The following ZNF554 variants were observed in gnomAD, a reference collection of about 807,000 sequenced individuals.
The protein encoded by ZNF554 is zinc finger protein 554.
ZNF554 carries 15 observed loss-of-function variants against 21.2 expected under a neutral mutation model. That is an observed-to-expected ratio of 0.71 (90% CI 0.47 to 1.09). The LOEUF is 1.09. Ranked by LOEUF, ZNF554 falls within the 50% of genes least tolerant of loss-of-function variation. The pLI, the probability that ZNF554 is intolerant of heterozygous loss-of-function variation, is 0.00. For synonymous variants in ZNF554, 258 were observed against 251.4 expected (o/e 1.03, Z -0.25); for missense variants, 691 against 662.7 (o/e 1.04, Z -0.47).
chr19:2,824,696 C>A (rs545190587), intron 2 of ZNF554, among the ~76,000 whole-genome samples: 1 of 152,046 alleles, frequency 6.6e-6, no homozygotes, highest in Non-Finnish European at 1.5e-5. Context: ...CCATCTTAGC[C>A]GTTGATGAAA....
Position 2,834,835 on chromosome 19 carries a change from C to T in ZNF554, c.1600C>T (p.His534Tyr), listed in dbSNP as rs1441578086. ...DCGKAFYQNR[H>Y]LIGY ...TGGGAAAGCGTTCTACCAGAACAGA[C>T]ATCTTATTGGATATTAGCAATTGCA... Residue 534 changes from histidine to tyrosine, a missense_variant, in exon 5 of 5, where the codon CAT becomes TAT. His to Tyr is a moderately conservative substitution (Grantham distance 83). Coordinates refer to ENST00000317243, the MANE Select transcript of ZNF554 (RefSeq NM_001102651.2). The T allele has an allele frequency of 6.3e-7, 1 of 1,592,034 alleles. No individual in the cohort carries two copies. Among genetic ancestry groups the T allele is most frequent in the East Asian group, 2.2e-5 (1 of 44,486 alleles).
chr19:2,823,039 G>C lies in ZNF554; in HGVS notation c.54-1G>C. 3 of 1,613,356 alleles carry C rather than the reference G, an allele frequency of 1.9e-6. No individual in the cohort carries two copies. The highest frequency in any genetic ancestry group is 2.5e-6 in the Non-Finnish European group (3 of 1,179,506). On this transcript the variant is annotated splice_acceptor_variant, in intron 1 of 4. Transcript: ENST00000317243. LOFTEE classifies it high-confidence loss of function. ...TCGCAGCGCCTTTTTCCTCCCCACA[G>C]CTCTGCCTGCCCAGGAACCTGCTTT...
chr19:2,830,076 C>T (rs1311793871), intron 3 of ZNF554, among the ~76,000 whole-genome samples: 1 of 152,164 alleles, frequency 6.6e-6, no homozygotes, highest in Non-Finnish European at 1.5e-5. Flanking sequence ...AGGCGCCCGC[C>T]ACCATGCCCG....
chr19:2,831,962 GT>G (rs1424730281), intron 3 of ZNF554: 4 of 169,718 alleles, frequency 2.4e-5, no homozygotes, highest in African/African-American at 9.7e-5. Context: ...GTCTTGCTCT[GT>G]TGCCCAGGCT....
rs2087262109 is a variant in ZNF554 at position 2,821,414 on chromosome 19, T to C, written c.53+1290T>C. On this transcript the variant is annotated intron_variant, in intron 1 of 4. Coordinates refer to ENST00000317243, the MANE Select transcript of ZNF554 (RefSeq NM_001102651.2). The surrounding 1 kb of genome is among the most constrained non-coding windows in gnomAD (Gnocchi z 8.2). ...GAGCCTCCTGGAGCTGCTGTGACAA[T>C]GCACCACAAACCAGGGGGCAGGGGG... 6.6e-6 allele frequency among the ~76,000 whole-genome samples: 1 copy of C among 151,948 alleles called. No homozygotes were observed. The highest frequency in any genetic ancestry group is 2.4e-5 in the African/African-American group (1 of 41,216).
Position 2,821,211 on chromosome 19 carries a change from C to G in ZNF554, c.53+1087C>G. On this transcript the variant is annotated intron_variant, in intron 1 of 4. Coordinates refer to ENST00000317243, the MANE Select transcript of ZNF554 (RefSeq NM_001102651.2). This position sits in a 1 kb window ranked among gnomAD's most constrained non-coding sequence, Gnocchi z 8.2. ...AAGTGATTCTCCTGCCTCAGCCTCC[C>G]AAGTAGCTGGGATTACAGGTGCACG... is the stretch of plus-strand genomic sequence containing the variant. 6.6e-6 allele frequency among the ~76,000 whole-genome samples: 1 copy of G among 151,704 alleles called. No individual in the cohort carries two copies. The highest frequency in any genetic ancestry group is 2.4e-5 in the African/African-American group (1 of 41,070).
chr19:2,833,655 ATGGTTTCCGCCTCAAT>A lies in ZNF554; in HGVS notation c.446-24_446-9del. 1 of 1,503,060 alleles carries A rather than the reference ATGGTTTCCGCCTCAAT, an allele frequency of 6.7e-7. No individual in the cohort carries two copies. Among genetic ancestry groups the A allele is most frequent in the Non-Finnish European group, 8.9e-7 (1 of 1,126,470 alleles). The allele number at this position is 1,503,060 out of a possible 1,614,324, so 93.1% of individuals were successfully genotyped here. ...AGTAGCTGTTTCTTCTTCTAAAAAA[ATGGTTTCCGCCTCAAT>A]TTATTTCAGATTGGATGACTGTACT... is the stretch of plus-strand genomic sequence containing the variant. On this transcript the variant is annotated splice_polypyrimidine_tract_variant and intron_variant, in intron 4 of 4. Transcript: ENST00000317243.
intron 1 of ZNF554, among the ~76,000 whole-genome samples, chr19:2,822,164 C>G (rs535592352): frequency 6.6e-6 from 1 of 152,138 alleles, no homozygotes; most frequent in Non-Finnish European, 1.5e-5. Flanking sequence ...AATTATCGTG[C>G]CTCAGCCTCC....
Position 2,832,178 on chromosome 19 carries a change from G to A in ZNF554, c.254-125G>A, listed in dbSNP as rs143755233. 792 of 881,602 alleles carry A rather than the reference G, an allele frequency of 9.0e-4. 8 individuals carry two copies. In the East Asian group the frequency reaches 0.018, roughly 20 times the overall value. 54.6% of individuals were successfully genotyped at this position (881,602 alleles called of 1,614,324 possible). A position where few individuals can be genotyped will look rare whatever the true frequency, so the allele number is the denominator to read the frequency against. On this transcript the variant is annotated intron_variant, in intron 3 of 4. Transcript: ENST00000317243. ...TGACCTCAGGTGATCCGCCTGCCTCGGCCTCCCAAATTGCTGGGATTACAG... is the reference window on the plus strand; with the variant it reads ...TGACCTCAGGTGATCCGCCTGCCTCAGCCTCCCAAATTGCTGGGATTACAG...
intron 3 of ZNF554, among the ~76,000 whole-genome samples, chr19:2,829,024 G>C (rs544983039): frequency 3.6e-4 from 54 of 151,910 alleles, no homozygotes; most frequent in African/African-American, 1.3e-3. Context: ...TTTCTGCCAA[G>C]GTAAAGAGCC....
At position 2,836,235 on chromosome 19, in the gene ZNF554, C is replaced by T. The variant is rs1009055470; in HGVS notation, c.*1383C>T. 5.4e-5 allele frequency among the ~76,000 whole-genome samples: 8 copies of T among 149,526 alleles called. No homozygotes were observed. The highest frequency in any genetic ancestry group is 4.3e-4 in the South Asian group (2 of 4,698). On this transcript the variant is annotated 3_prime_UTR_variant, in exon 5 of 5. Coordinates refer to ENST00000317243, the MANE Select transcript of ZNF554 (RefSeq NM_001102651.2). ...TGCTGGTATTACGGGTGTGAGCCACCGTGCTGGGATTACGGGCGTGAGCCA... is the reference window on the plus strand; with the variant it reads ...TGCTGGTATTACGGGTGTGAGCCACTGTGCTGGGATTACGGGCGTGAGCCA...
intron 4 of ZNF554, 89 bp from the exon 5 acceptor site, chr19:2,833,592 T>G: frequency 8.9e-7 from 1 of 1,125,048 alleles, no homozygotes; most frequent in Non-Finnish European, 1.3e-6. Context: ...GCACAGGCCT[T>G]GTAGATGTCA....
chr19:2,824,885 C>G (rs1452198222), intron 2 of ZNF554, among the ~76,000 whole-genome samples: 1 of 152,146 alleles, frequency 6.6e-6, no homozygotes, highest in Non-Finnish European at 1.5e-5. Context: ...TGGTACCCCC[C>G]ATCCTACTTT....
intron 4 of ZNF554, 32 bp from the exon 5 acceptor site, chr19:2,833,648 TA>T (rs756443390): frequency 6.7e-7 from 1 of 1,500,642 alleles, no homozygotes; most frequent in Non-Finnish European, 8.9e-7. Context: ...TTTCTTCTTC[TA>T]AAAAAATGGT....
In ZNF554 at chr19:2,821,012, G is replaced by A. The variant is rs1222680768; in HGVS notation, c.53+888G>A. Among the ~76,000 whole-genome samples, 2 of 151,540 alleles carry A rather than the reference G, an allele frequency of 1.3e-5. No individual in the cohort carries two copies. Among genetic ancestry groups the A allele is most frequent in the South Asian group, 2.1e-4 (1 of 4,816 alleles). ...ACCACCCATGTTGAGGAATGAGGGA[G>A]GCAGCTGACCTTTCTGCTGCTCTAG... On this transcript the variant is annotated intron_variant, in intron 1 of 4. Transcript: ENST00000317243. This position sits in a 1 kb window ranked among gnomAD's most constrained non-coding sequence, Gnocchi z 8.2.
chr19:2,827,459 C>G (rs1358145560), intron 2 of ZNF554, among the ~76,000 whole-genome samples, 158 bp from the exon 3 acceptor site: 1 of 152,148 alleles, frequency 6.6e-6, no homozygotes, highest in Non-Finnish European at 1.5e-5. Flanking sequence ...TGATTTTAAG[C>G]CAAGGACAAG....
chr19:2,821,293 G>A lies in ZNF554; in HGVS notation c.53+1169G>A, dbSNP rs1346051482. 3.3e-5 allele frequency among the ~76,000 whole-genome samples: 5 copies of A among 151,656 alleles called. No homozygotes were observed. Among genetic ancestry groups the A allele is most frequent in the South Asian group, 2.1e-4 (1 of 4,808 alleles). ...GTAGATACAGAGTTTCTCCATGTTG[G>A]CCAGCCAGGCTGGTATCGAACTCCT... On this transcript the variant is annotated intron_variant, in intron 1 of 4. Coordinates refer to ENST00000317243, the MANE Select transcript of ZNF554 (RefSeq NM_001102651.2). This position sits in a 1 kb window ranked among gnomAD's most constrained non-coding sequence, Gnocchi z 8.2.
rs1418147762 is a variant in ZNF554 at position 2,820,113 on chromosome 19, G to T, written c.42G>T (p.Pro14=). The change falls in exon 1 of 5, where the codon CCG becomes CCT. Residue 14 remains proline, a synonymous_variant. Transcript: ENST00000317243. ...ACCTGGGCCGGCGCGCGCGGCTCCCGGCAGCTCAGCCGTAAGTGCCGCCGC... is the reference window on the plus strand; with the variant it reads ...ACCTGGGCCGGCGCGCGCGGCTCCCTGCAGCTCAGCCGTAAGTGCCGCCGC... The part of the protein sequence containing the change: ...CAHLGRRARL[P]AAQPSACPGT... 4 of 1,220,412 alleles carry T rather than the reference G, an allele frequency of 3.3e-6. No homozygotes were observed. The highest frequency in any genetic ancestry group is 3.9e-5 in the South Asian group (1 of 25,400). 75.6% of individuals were successfully genotyped at this position (1,220,412 alleles called of 1,614,324 possible).
At chr19:2,827,804 T>G in intron 3 of ZNF554, 61 bp downstream of exon 3, 1 of 1,587,562 alleles carries the variant, frequency 6.3e-7, no homozygotes, top group Non-Finnish European at 8.6e-7. Context: ...TGTATTAGTC[T>G]GTTCTCACAC....
Sources: allele counts gnomAD v4.1 joint callset (sites outside exome capture counted in the v4.1 genomes callset), GRCh38; gene constraint gnomAD v4.1.1; non-coding constraint Gnocchi (gnomAD v3.1); transcripts MANE v1.5; gene names NCBI Gene and HGNC (gene_info 2026-07-23, HGNC 2026-07-21).